ACVR2B: variants seen among roughly 807,000 people sequenced by gnomAD.
ACVR2B encodes activin A receptor type 2B, also known as activin receptor type-2B.
A neutral mutation model predicts 65.1 loss-of-function variants in ACVR2B; 18 were observed. The ratio of observed to expected loss-of-function variants is 0.28; its 90% confidence interval spans 0.19 to 0.41. The LOEUF (loss-of-function observed/expected upper bound fraction) is 0.41. Ranked by LOEUF, ACVR2B falls within the 10% of genes least tolerant of loss-of-function variation. The pLI, the probability that ACVR2B is intolerant of heterozygous loss-of-function variation, is 1.00. For missense variants in ACVR2B, 482 were observed against 682.7 expected (o/e 0.71, Z 3.28); for synonymous variants, 298 against 277.7 (o/e 1.07, Z -0.73).
chr3:38,492,808 A>ACCCC lies in ACVR2B; in HGVS notation c.*9478_*9479insCCCC, dbSNP rs1559663052. On this transcript the variant is annotated 3_prime_UTR_variant, in exon 11 of 11. Coordinates refer to ENST00000352511, the MANE Select transcript of ACVR2B (RefSeq NM_001106.4). ...CACACACACACACACACACACATAC[A>ACCCC]CCTAAAATGGCCTAAAGCAGACATC... 1 of 135,226 alleles carries ACCCC rather than the reference A, an allele frequency of 7.4e-6. No individual in the cohort carries two copies. The highest frequency in any genetic ancestry group is 7.9e-5 in the Admixed American group (1 of 12,710). 8.4% of individuals were successfully genotyped at this position (135,226 alleles called of 1,614,324 possible).
At chr3:38,468,056 T>G (rs996482743) in intron 1 of ACVR2B, among the ~76,000 whole-genome samples, 2 of 151,972 alleles carry the variant, frequency 1.3e-5, no homozygotes, top group Non-Finnish European at 2.9e-5. Context: ...TTTTTTGTAT[T>G]TTTGGAAGAG....
chr3:38,481,026 G>T lies in ACVR2B; in HGVS notation c.960-325G>T, dbSNP rs1322875901. Among the ~76,000 whole-genome samples the T allele has an allele frequency of 6.6e-6, 1 of 152,214 alleles. No homozygotes were observed. The highest frequency in any genetic ancestry group is 1.5e-5 in the Non-Finnish European group (1 of 68,044). ...CTCAGAAAACTTGCATCCCAGGCCA[G>T]TGTGCCTGTCCACAACCCCTCTGAG... On this transcript the variant is annotated intron_variant, in intron 7 of 10. Transcript: ENST00000352511. This position sits in a 1 kb window ranked among gnomAD's most constrained non-coding sequence, Gnocchi z 4.7.
In ACVR2B at chr3:38,481,741, T is replaced by C. The variant is rs997548529; in HGVS notation, c.1074+276T>C. Among the ~76,000 whole-genome samples, 2 of 152,254 alleles carry C rather than the reference T, an allele frequency of 1.3e-5. No homozygotes were observed. Among genetic ancestry groups the C allele is most frequent in the Non-Finnish European group, 2.9e-5 (2 of 68,048 alleles). On this transcript the variant is annotated intron_variant, in intron 8 of 10. Transcript: ENST00000352511. The surrounding 1 kb of genome is among the most constrained non-coding windows in gnomAD (Gnocchi z 4.7). ...TGCAATCTTAGTCTTTCTCTCACTT[T>C]TTTAGTTTTAATTCCTAAGACAAAA... is the stretch of plus-strand genomic sequence containing the variant.
chr3:38,471,610 A>G (rs527912561), intron 1 of ACVR2B, among the ~76,000 whole-genome samples: 27 of 152,232 alleles, frequency 1.8e-4, no homozygotes, highest in Non-Finnish European at 3.4e-4. Context: ...ACTTAAAGTT[A>G]TGTGAGGTTA....
At chr3:38,479,341 G>A (rs1709976178) in intron 6 of ACVR2B, 70 bp downstream of exon 6, 1 of 1,608,362 alleles carries the variant, frequency 6.2e-7, no homozygotes, top group Non-Finnish European at 8.5e-7. Flanking sequence ...TCCATAATAT[G>A]ATGACCCCTT....
At position 38,491,794 on chromosome 3, in the gene ACVR2B, G is replaced by A. The variant is rs2059812298; in HGVS notation, c.*8462G>A. On this transcript the variant is annotated 3_prime_UTR_variant, in exon 11 of 11. Transcript: ENST00000352511. ...TTTTTTTCTGTAATTCTGTAAAAAT[G>A]CAGAGAAAGTTGAGTGGTACTTCAG... 6.6e-6 allele frequency: 1 copy of A among 151,990 alleles called. No homozygotes were observed. Among genetic ancestry groups the A allele is most frequent in the Non-Finnish European group, 1.5e-5 (1 of 67,988 alleles). The allele number at this position is 151,990 out of a possible 1,614,324, so 9.4% of individuals were successfully genotyped here.
In ACVR2B at chr3:38,478,220, C is replaced by T. The variant is rs1425273847; in HGVS notation, c.450C>T (p.Ser150=). 6.2e-7 allele frequency: 1 copy of T among 1,614,156 alleles called. No homozygotes were observed. The highest frequency in any genetic ancestry group is 2.2e-5 in the East Asian group (1 of 44,872). ...AYSLLPIGGL[S]LIVLLAFWMY... is the part of the protein sequence containing the mutation. The stretch of plus-strand genomic sequence containing the variant: ...CACTGCTGCCCATCGGGGGCCTTTC[C>T]CTCATCGTCCTGCTGGCCTTTTGGA... Residue 150 remains serine (S), a synonymous_variant, in exon 4 of 11, where the codon TCC becomes TCT. Transcript: ENST00000352511.
At chr3:38,462,122 A>G (rs1293071389) in intron 1 of ACVR2B, among the ~76,000 whole-genome samples, 1 of 152,132 alleles carries the variant, frequency 6.6e-6, no homozygotes, top group Non-Finnish European at 1.5e-5. Flanking sequence ...TGAACCCGGG[A>G]GGCGGAGCTT....
At chr3:38,470,941 T>C (rs1207795504) in intron 1 of ACVR2B, among the ~76,000 whole-genome samples, 1 of 152,186 alleles carries the variant, frequency 6.6e-6, no homozygotes, top group Non-Finnish European at 1.5e-5. Flanking sequence ...CCAGTAATCA[T>C]ATATATAAAC....
At chr3:38,468,663 T>G (rs1238595054) in intron 1 of ACVR2B, among the ~76,000 whole-genome samples, 1 of 152,276 alleles carries the variant, frequency 6.6e-6, no homozygotes, top group East Asian at 1.9e-4. Flanking sequence ...ATTCCTGAGT[T>G]TTGAAGGGTT....
chr3:38,475,378 A>G (rs976136628), intron 1 of ACVR2B: 4 of 152,270 alleles, frequency 2.6e-5, no homozygotes, highest in African/African-American at 9.7e-5. Flanking sequence ...TCAGGAGGCC[A>G]TGCATTTTCC....
rs1189062365 is a variant in ACVR2B at position 38,490,099 on chromosome 3, A to G, written c.*6767A>G. The G allele has an allele frequency of 6.6e-6, 1 of 152,296 alleles. No individual in the cohort carries two copies. The highest frequency in any genetic ancestry group is 1.9e-4 in the East Asian group (1 of 5,208). The allele number at this position is 152,296 out of a possible 1,614,324, so 9.4% of individuals were successfully genotyped here. On this transcript the variant is annotated 3_prime_UTR_variant, in exon 11 of 11. Transcript: ENST00000352511. Reference sequence around the variant, plus strand: ...TGAGGAAGCTCAGCATCACTGCCACAATACGGAAAGTGGTCTTCATTTTAG... The same window carrying G: ...TGAGGAAGCTCAGCATCACTGCCACGATACGGAAAGTGGTCTTCATTTTAG...
intron 1 of ACVR2B, among the ~76,000 whole-genome samples, chr3:38,468,683 AAG>A (rs1709771815): frequency 6.6e-6 from 1 of 152,110 alleles, no homozygotes; most frequent in Non-Finnish European, 1.5e-5. Flanking sequence ...TCTGTGGGGG[AAG>A]TCACATTGCT....
At chr3:38,462,976 A>C (rs1709673431) in intron 1 of ACVR2B, among the ~76,000 whole-genome samples, 1 of 152,076 alleles carries the variant, frequency 6.6e-6, no homozygotes, top group Non-Finnish European at 1.5e-5. Context: ...CCACACCCCA[A>C]CCCCTGCTGA....
At position 38,491,938 on chromosome 3, in the gene ACVR2B, G is replaced by C. The variant is rs932051511; in HGVS notation, c.*8606G>C. On this transcript the variant is annotated 3_prime_UTR_variant, in exon 11 of 11. Coordinates refer to ENST00000352511, the MANE Select transcript of ACVR2B (RefSeq NM_001106.4). The stretch of plus-strand genomic sequence containing the variant: ...AAAAATCTGCTTATGAACTGGACAT[G>C]ATCTTAATGGTAGTGTCAAAGGCCA... 2.0e-5 allele frequency: 3 copies of C among 152,182 alleles called. No homozygotes were observed. Among genetic ancestry groups the C allele is most frequent in the African/African-American group, 4.8e-5 (2 of 41,446 alleles). The allele number at this position is 152,182 out of a possible 1,614,324, so 9.4% of individuals were successfully genotyped here.
rs756974391 is a variant in ACVR2B at position 38,489,887 on chromosome 3, A to G, written c.*6555A>G. On this transcript the variant is annotated 3_prime_UTR_variant, in exon 11 of 11. Coordinates refer to ENST00000352511, the MANE Select transcript of ACVR2B (RefSeq NM_001106.4). ...TGTTCAGAAAAGTGGGGAGGGTGGC[A>G]TGTGGATGCAGTGATCCAATTAAAT... The G allele has an allele frequency of 6.6e-6, 1 of 152,188 alleles. No homozygotes were observed. Among genetic ancestry groups the G allele is most frequent in the Non-Finnish European group, 1.5e-5 (1 of 68,040 alleles). The allele number at this position is 152,188 out of a possible 1,614,324, so 9.4% of individuals were successfully genotyped here.
chr3:38,481,252 TG>T lies in ACVR2B; in HGVS notation c.960-95del. ...CCAGGTAGGGTGGGATGGCCTGGTC[TG>T]GGGCCTGACTCTAGGGCACAGACTC... On this transcript the variant is annotated intron_variant, in intron 7 of 10. Transcript: ENST00000352511. This position sits in a 1 kb window ranked among gnomAD's most constrained non-coding sequence, Gnocchi z 4.7. 1 of 1,044,588 alleles carries T rather than the reference TG, an allele frequency of 9.6e-7. No homozygotes were observed. Among genetic ancestry groups the T allele is most frequent in the Non-Finnish European group, 1.5e-6 (1 of 667,338 alleles). 64.7% of individuals were successfully genotyped at this position (1,044,588 alleles called of 1,614,324 possible). A position where few individuals can be genotyped will look rare whatever the true frequency, so the allele number is the denominator to read the frequency against.
Position 38,482,580 on chromosome 3 carries a change from C to A in ACVR2B, c.1344+20C>A, listed in dbSNP as rs188465635. On this transcript the variant is annotated intron_variant, in intron 10 of 10. Transcript: ENST00000352511. ...CACCCGGTAAGGGGCCTGGTTCAGG[C>A]AACTTTGCAGGGGGGTGGAGAAGGG... 8.7e-5 allele frequency: 140 copies of A among 1,607,176 alleles called. No homozygotes were observed. The highest frequency in any genetic ancestry group is 6.0e-5 in the Non-Finnish European group (71 of 1,178,106).
At chr3:38,461,105 T>C (rs1414865499) in intron 1 of ACVR2B, among the ~76,000 whole-genome samples, 2 of 152,198 alleles carry the variant, frequency 1.3e-5, no homozygotes, top group African/African-American at 2.4e-5. Context: ...TGCCAGGATA[T>C]TTTTTCCTTC....
Sources: gnomAD v4.1 joint callset for allele counts (sites outside exome capture counted in the v4.1 genomes callset) on GRCh38, gnomAD v4.1.1 for gene constraint, Gnocchi (gnomAD v3.1) non-coding constraint, MANE v1.5 for transcripts, NCBI Gene and HGNC (gene_info 2026-07-23, HGNC 2026-07-21) for gene names.